Variants in ZRANB3 observed in about 807,000 individuals in gnomAD.
ZRANB3 encodes the protein zinc finger RANBP2-type containing 3, also known as DNA annealing helicase and endonuclease ZRANB3.
In ZRANB3, 125 loss-of-function variants were observed where a neutral mutation model predicts 133.8. The ratio of observed to expected loss-of-function variants is 0.93; its 90% CI spans 0.81 to 1.08. The LOEUF (loss-of-function observed/expected upper bound fraction) is 1.08. Among genes scored for constraint, ZRANB3 ranks in the 50% least tolerant of loss-of-function variants. ZRANB3 has a pLI of 0.00. For missense variants in ZRANB3, 1,229 were observed against 1,275.5 expected, an observed-to-expected ratio of 0.96 and a Z score of 0.56; for synonymous variants, 387 against 432.7, an observed-to-expected ratio of 0.89 and a Z score of 1.31.
At chr2:135,507,411 TC>T (rs1322956007) in intron 1 of ZRANB3, among the ~76,000 whole-genome samples, 2 of 152,168 alleles carry the variant, frequency 1.3e-5, no homozygotes, top group Non-Finnish European at 2.9e-5. Flanking sequence ...GAGCTACTAA[TC>T]AGATATACTA....
intron 1 of ZRANB3, among the ~76,000 whole-genome samples, chr2:135,505,929 T>C (rs894842464): frequency 2.0e-5 from 3 of 152,158 alleles, no homozygotes; most frequent in African/African-American, 7.2e-5. Flanking sequence ...TCACTTTAGG[T>C]AGGCTGACCA....
intron 10 of ZRANB3, among the ~76,000 whole-genome samples, chr2:135,269,830 T>C (rs984840585): frequency 3.9e-5 from 6 of 152,206 alleles, no homozygotes; most frequent in African/African-American, 1.4e-4. Flanking sequence ...GTTGGTAGGC[T>C]GAATGAAATG....
chr2:135,390,708 T>G, intron 3 of ZRANB3, 94 bp downstream of exon 3: 2 of 1,466,598 alleles, frequency 1.4e-6, no homozygotes, highest in South Asian at 2.5e-5. Context: ...TACAGACATA[T>G]AGTCATATGG....
At chr2:135,254,738 A>C (rs892174000) in intron 12 of ZRANB3, among the ~76,000 whole-genome samples, 5 of 152,124 alleles carry the variant, frequency 3.3e-5, no homozygotes, top group Non-Finnish European at 7.4e-5. Context: ...ACCCCTGTTT[A>C]ATTGTAGAAC....
At chr2:135,381,187 C>T (rs1461634426) in intron 3 of ZRANB3, among the ~76,000 whole-genome samples, 1 of 152,172 alleles carries the variant, frequency 6.6e-6, no homozygotes, top group Non-Finnish European at 1.5e-5. Context: ...TAGCAAACGG[C>T]ACACCAGGAG....
intron 2 of ZRANB3, among the ~76,000 whole-genome samples, chr2:135,490,293 GA>G (rs1387970240): frequency 6.6e-6 from 1 of 152,010 alleles, no homozygotes; most frequent in African/African-American, 2.4e-5. Context: ...GAATATATAA[GA>G]AAACTCTATA....
chr2:135,249,842 A>T (rs1018060343), intron 12 of ZRANB3, among the ~76,000 whole-genome samples: 2 of 152,162 alleles, frequency 1.3e-5, no homozygotes, highest in Non-Finnish European at 2.9e-5. Context: ...TTTTCTACCC[A>T]GTCTCAAGTA....
chr2:135,247,169 T>C (rs1695835253), intron 12 of ZRANB3, among the ~76,000 whole-genome samples: 4 of 152,182 alleles, frequency 2.6e-5, no homozygotes, highest in Admixed American at 2.6e-4. Context: ...AAATGGGTGA[T>C]TGGGACATCA....
chr2:135,458,502 T>A (rs1690625883), intron 2 of ZRANB3, among the ~76,000 whole-genome samples: 1 of 152,120 alleles, frequency 6.6e-6, no homozygotes, highest in Non-Finnish European at 1.5e-5. Context: ...GCAAAAAAGA[T>A]GTTACATTTA....
intron 3 of ZRANB3, chr2:135,355,231 G>A (rs995902726): frequency 7.9e-5 from 78 of 985,128 alleles, no homozygotes; most frequent in East Asian, 3.4e-4. Flanking sequence ...TTACACATTC[G>A]TTGGATAATA....
At chr2:135,398,748 C>A (rs1457981438) in intron 2 of ZRANB3, among the ~76,000 whole-genome samples, 1 of 151,186 alleles carries the variant, frequency 6.6e-6, no homozygotes, top group East Asian at 1.9e-4. Context: ...TGGTCTCGAT[C>A]TCCTGACCTC....
At chr2:135,434,746 C>G (rs1689459091) in intron 2 of ZRANB3, among the ~76,000 whole-genome samples, 2 of 152,122 alleles carry the variant, frequency 1.3e-5, no homozygotes, top group South Asian at 4.1e-4. Flanking sequence ...GAAGATAAGA[C>G]TATAAACTAA....
At chr2:135,501,065 GATAA>G (rs1692920801) in intron 2 of ZRANB3, among the ~76,000 whole-genome samples, 1 of 151,882 alleles carries the variant, frequency 6.6e-6, no homozygotes, top group South Asian at 2.1e-4. Context: ...TCCTAAACAG[GATAA>G]ATAAAAAGAA....
intron 1 of ZRANB3, among the ~76,000 whole-genome samples, chr2:135,506,356 C>T (rs1693190214): frequency 6.6e-6 from 1 of 152,076 alleles, no homozygotes; most frequent in Non-Finnish European, 1.5e-5. Context: ...CACCACTGCA[C>T]TCCAGCTTGG....
intron 3 of ZRANB3, among the ~76,000 whole-genome samples, chr2:135,373,459 C>T (rs1366121463): frequency 6.6e-6 from 1 of 152,000 alleles, no homozygotes; most frequent in African/African-American, 2.4e-5. Flanking sequence ...AGGAATTAAT[C>T]AGAGAAAGAA....
At chr2:135,333,493 G>T (rs569720938) in intron 6 of ZRANB3, among the ~76,000 whole-genome samples, 53 of 152,244 alleles carry the variant, frequency 3.5e-4, no homozygotes, top group African/African-American at 1.2e-3. Flanking sequence ...GGAGAACTTA[G>T]GTAAAAGGGA....
At chr2:135,357,449 C>T (rs1685488905) in intron 3 of ZRANB3, among the ~76,000 whole-genome samples, 2 of 152,224 alleles carry the variant, frequency 1.3e-5, no homozygotes, top group South Asian at 4.1e-4. Context: ...GCGCATGCCA[C>T]CACTCCCGGC....
chr2:135,274,013 AT>A (rs1201015995), intron 9 of ZRANB3, among the ~76,000 whole-genome samples: 1 of 152,226 alleles, frequency 6.6e-6, no homozygotes, highest in African/African-American at 2.4e-5. Flanking sequence ...CATTTAAAAA[AT>A]ATTTAGGTTA....
intron 20 of ZRANB3, among the ~76,000 whole-genome samples, chr2:135,201,773 C>T (rs1273429311): frequency 6.6e-6 from 1 of 151,576 alleles, no homozygotes; most frequent in Non-Finnish European, 1.5e-5. Context: ...CTTTTAAAAA[C>T]ATCGATGTCT....
Sources: gnomAD v4.1 joint callset for allele counts (sites outside exome capture counted in the v4.1 genomes callset) on GRCh38, gnomAD v4.1.1 for gene constraint, MANE v1.5 for transcripts, NCBI Gene and HGNC (gene_info 2026-07-23, HGNC 2026-07-21) for gene names.